Variants in WDR24 observed in about 807,000 individuals in gnomAD.
WDR24 encodes WD repeat domain 24, also known as GATOR2 complex protein WDR24.
A neutral mutation model predicts 66.7 loss-of-function variants in WDR24; 32 were observed. The ratio of observed to expected loss-of-function variants is 0.48; its 90% CI spans 0.36 to 0.64. The LOEUF (loss-of-function observed/expected upper bound fraction) is 0.64, where lower values mean the gene tolerates loss of function less well. Ranked by LOEUF, WDR24 falls within the 30% of genes least tolerant of loss-of-function variation. The probability of loss-of-function intolerance (pLI) is 0.00; values close to 1 mark genes in which losing one functional copy is unlikely to be tolerated. For missense variants in WDR24, 978 were observed against 1,144.1 expected, an observed-to-expected ratio of 0.85 and a Z score of 2.09; for synonymous variants, 565 against 469.1, an observed-to-expected ratio of 1.20 and a Z score of -2.64.
chr16:690,222 G>A lies in WDR24; in HGVS notation c.-582C>T, dbSNP rs544161474. ...GCTCGAGGTGTCTGGCGGGACCGGA[G>A]GCAGGAGAGAAGCCGGCGACCCCGG... On this transcript the variant is annotated 5_prime_UTR_variant, in exon 1 of 9. Transcript: ENST00000293883. 345 of 393,400 alleles carry A rather than the reference G, an allele frequency of 8.8e-4. No homozygotes were observed. The highest frequency in any genetic ancestry group is 6.7e-3 in the African/African-American group (324 of 48,004). The allele number at this position is 393,400 out of a possible 1,614,324, so 24.4% of individuals were successfully genotyped here.
chr16:687,341 C>T lies in WDR24; in HGVS notation c.735G>A (p.Met245Ile), dbSNP rs200266742. 2 of 1,607,856 alleles carry T rather than the reference C, an allele frequency of 1.2e-6. No homozygotes were observed. Among genetic ancestry groups the T allele is most frequent in the Non-Finnish European group, 1.7e-6 (2 of 1,177,366 alleles). The change falls in exon 3 of 9, where the codon ATG becomes ATA. Residue 245 changes from methionine to isoleucine, a missense_variant. By Grantham distance (10) the Met-to-Ile change is conservative. Coordinates refer to ENST00000293883, the MANE Select transcript of WDR24 (RefSeq NM_032259.4). ...WDMTTHRAKEMHCVQTIASVA... is the reference protein window; with the variant it reads ...WDMTTHRAKEIHCVQTIASVA... The stretch of plus-strand genomic sequence containing the variant: ...CCGAGGCGATGGTCTGCACACAGTG[C>T]ATCTCCTTGGCACGGTGCGTGGTCA...
chr16:689,769 G>C lies in WDR24; in HGVS notation c.-129C>G. On this transcript the variant is annotated 5_prime_UTR_variant, in exon 1 of 9. Transcript: ENST00000293883. ...CCCAGAACTGCTTGGTCCCGGGCTG[G>C]TCAGTCTTAGTGAGCCAATCCAGGG... The C allele has an allele frequency of 7.1e-7, 1 of 1,417,108 alleles. No homozygotes were observed. Among genetic ancestry groups the C allele is most frequent in the South Asian group, 1.4e-5 (1 of 74,000 alleles). 87.8% of individuals were successfully genotyped at this position (1,417,108 alleles called of 1,614,324 possible).
Position 684,988 on chromosome 16 carries a change from C to T in WDR24, c.2204+4G>A, listed in dbSNP as rs1269026852. The stretch of plus-strand genomic sequence containing the variant: ...TGCCCCACCTCCCGACCCCACTGCC[C>T]CACCTGTCGCAGACCCAGCCCCGGC... On this transcript the variant is annotated splice_donor_region_variant and intron_variant, in intron 8 of 8. Coordinates refer to ENST00000293883, the MANE Select transcript of WDR24 (RefSeq NM_032259.4). 6.5e-6 allele frequency: 10 copies of T among 1,544,016 alleles called. No individual in the cohort carries two copies. The highest frequency in any genetic ancestry group is 1.8e-4 in the Middle Eastern group (1 of 5,554).
rs374342069 is a variant in WDR24 at position 685,164 on chromosome 16, T to A, written c.2032A>T (p.Thr678Ser). Residue 678 changes from threonine (T) to serine (S), a missense_variant, in exon 8 of 9, where the codon ACT becomes TCT. Physicochemically the swap from Thr to Ser is moderately conservative, Grantham distance 58. Coordinates refer to ENST00000293883, the MANE Select transcript of WDR24 (RefSeq NM_032259.4). The stretch of plus-strand genomic sequence containing the variant: ...CGCTGCAGCAGGTCGATGTAGGAAG[T>A]GTACCAGTGCTCCTGGGGGAGGGAG... ...IDEQTQEHWY[T>S]SYIDLLQRFR... is the part of the protein sequence containing the mutation. The A allele has an allele frequency of 4.6e-5, 72 of 1,582,316 alleles. No homozygotes were observed. Among genetic ancestry groups the A allele is most frequent in the Non-Finnish European group, 4.3e-6 (5 of 1,165,264 alleles).
chr16:687,491 G>A (rs897818034), intron 2 of WDR24, 71 bp downstream of exon 2: 30 of 1,587,456 alleles, frequency 1.9e-5, no homozygotes, highest in Middle Eastern at 1.7e-4. Flanking sequence ...CTGCTGCTCC[G>A]GACTGTCTCA....
rs1345675948 is a variant in WDR24 at position 689,426 on chromosome 16, G to A, written c.215C>T (p.Ser72Leu). The A allele has an allele frequency of 1.2e-6, 2 of 1,613,650 alleles. No homozygotes were observed. The highest frequency in any genetic ancestry group is 1.7e-6 in the Non-Finnish European group (2 of 1,180,004). The change falls in exon 1 of 9, where the codon TCG becomes TTG. Residue 72 changes from serine to leucine, a missense_variant. Transcript: ENST00000293883. ...CACGTCAGCACAGCTCAGGTTAAGC[G>A]AAGGCTTGCGCCCCACACGCAGGTT... ...KLNLRVGRKPSLNLSCADVVW... is the reference protein window; with the variant it reads ...KLNLRVGRKPLLNLSCADVVW...
Position 690,327 on chromosome 16 carries a change from CCT to C in WDR24, c.-689_-688del, listed in dbSNP as rs568085275. 5.5e-5 allele frequency: 25 copies of C among 455,690 alleles called. No homozygotes were observed. The East Asian group carries it at 9.0e-4, about 16-fold the overall frequency. The allele number at this position is 455,690 out of a possible 1,614,324, so 28.2% of individuals were successfully genotyped here. On this transcript the variant is annotated 5_prime_UTR_variant, in exon 1 of 9. Transcript: ENST00000293883. ...CGAGAACCAGAGGGCCCGGGGCAGC[CCT>C]TCTCCCCCGCGCGAACCCCAATCTT...
chr16:687,992 C>G (rs1056947976), intron 1 of WDR24: 1 of 647,778 alleles, frequency 1.5e-6, no homozygotes, highest in African/African-American at 1.8e-5. Flanking sequence ...GATTCTGCAT[C>G]CTGCATCGGT....
rs1668467779 is a variant in WDR24 at position 685,755 on chromosome 16, T to G, written c.1602A>C (p.Val534=). The G allele has an allele frequency of 1.2e-6, 2 of 1,613,154 alleles. No homozygotes were observed. Among genetic ancestry groups the G allele is most frequent in the Non-Finnish European group, 1.7e-6 (2 of 1,180,014 alleles). ...CGTCACCCAGCAGGTAGTCGGCAGG[T>G]ACGTCGCTGCCCTCGGTTTCCTCGT... ...EDNEETEGSD[V]PADYLLGDVE... The change falls in exon 6 of 9, where the codon GTA becomes GTC. Residue 534 remains valine (V), a synonymous_variant. Coordinates refer to ENST00000293883, the MANE Select transcript of WDR24 (RefSeq NM_032259.4).
At position 685,438 on chromosome 16, in the gene WDR24, G is replaced by C; in HGVS notation, c.1838C>G (p.Ser613Cys). Residue 613 changes from serine (S) to cysteine (C), a missense_variant, in exon 7 of 9, where the codon TCC (serine) becomes TGC (cysteine). Ser to Cys is a moderately radical substitution (Grantham distance 112). Transcript: ENST00000293883. ...GTGTGAGACAGACAGGAGCGAGAAG[G>C]AGGAGTCCACGGGGGCCAGGGAGGC... is the stretch of plus-strand genomic sequence containing the variant. ...DVASLAPVDS[S>C]FSLLSVSHAL... 1 of 1,610,110 alleles carries C rather than the reference G, an allele frequency of 6.2e-7. No individual in the cohort carries two copies. Among genetic ancestry groups the C allele is most frequent in the Non-Finnish European group, 8.5e-7 (1 of 1,177,788 alleles).
At chr16:687,762 G>C in intron 1 of WDR24, 23 bp from the exon 2 acceptor site, 1 of 1,608,964 alleles carries the variant, frequency 6.2e-7, no homozygotes. Flanking sequence ...GGTCGATGCA[G>C]GGGAAGTGAC....
In WDR24 at chr16:685,490, G is replaced by A. The variant is rs780031985; in HGVS notation, c.1786C>T (p.His596Tyr). The change falls in exon 7 of 9, where the codon CAC becomes TAC. Residue 596 changes from histidine to tyrosine, a missense_variant. His to Tyr is a moderately conservative substitution (Grantham distance 83). This residue lies in a region of WDR24 where 676 missense variants were observed against 617.5 expected (regional missense o/e 1.09). Coordinates refer to ENST00000293883, the MANE Select transcript of WDR24 (RefSeq NM_032259.4). Reference sequence around the variant, plus strand: ...ACATCCGCCTCGCTGCCGCTCACGTGCGGGGAGTCGGCCTTGTCCTGCAGG... The same window carrying A: ...ACATCCGCCTCGCTGCCGCTCACGTACGGGGAGTCGGCCTTGTCCTGCAGG... ...EHLQDKADSP[H>Y]VSGSEADVAS... 2.5e-6 allele frequency: 4 copies of A among 1,600,042 alleles called. No individual in the cohort carries two copies. The highest frequency in any genetic ancestry group is 3.4e-6 in the Non-Finnish European group (4 of 1,170,690).
At chr16:687,541 C>T (rs751577568) in intron 2 of WDR24, 21 bp downstream of exon 2, 16 of 1,608,688 alleles carry the variant, frequency 9.9e-6, no homozygotes, top group Middle Eastern at 1.6e-4. Flanking sequence ...AACCTACTGC[C>T]CCTGCACCCC....
rs752189101 is a variant in WDR24, at chr16:685,368, C to T, written c.1908G>A (p.Leu636=). The part of the protein sequence containing the change: ...SRLPPDFFGV[L]VRDMLHFYAE... ...CGTAGAAGTGCAGCATGTCGCGCACCAGCACGCCGAAGAAGTCGGGCGGCA... is the reference window on the plus strand; with the variant it reads ...CGTAGAAGTGCAGCATGTCGCGCACTAGCACGCCGAAGAAGTCGGGCGGCA... Residue 636 remains leucine, a synonymous_variant, in exon 7 of 9, where the codon CTG becomes CTA. Coordinates refer to ENST00000293883, the MANE Select transcript of WDR24 (RefSeq NM_032259.4). The T allele has an allele frequency of 9.6e-5, 155 of 1,611,954 alleles. No homozygotes were observed. Among genetic ancestry groups the T allele is most frequent in the Non-Finnish European group, 4.3e-5 (51 of 1,179,882 alleles).
intron 6 of WDR24, 39 bp downstream of exon 6, chr16:685,640 T>G (rs1183232330): frequency 3.2e-5 from 51 of 1,611,276 alleles, no homozygotes; most frequent in Non-Finnish European, 4.3e-5. Flanking sequence ...CTGTCCTCCA[T>G]CCGCCTCTGA....
At chr16:688,856 T>C (rs958305829) in intron 1 of WDR24, 2 of 414,546 alleles carry the variant, frequency 4.8e-6, no homozygotes, top group Non-Finnish European at 8.9e-6. Flanking sequence ...AGGGAGTCAG[T>C]GGCTCTCTGC....
rs1355175551 is a variant in WDR24, at chr16:690,245, C to G, written c.-605G>C. ...GAGGCAGGAGAGAAGCCGGCGACCCCGGAGTACAGGGTTCCTGGGAGCGGC... is the reference window on the plus strand; with the variant it reads ...GAGGCAGGAGAGAAGCCGGCGACCCGGGAGTACAGGGTTCCTGGGAGCGGC... On this transcript the variant is annotated 5_prime_UTR_variant, in exon 1 of 9. Coordinates refer to ENST00000293883, the MANE Select transcript of WDR24 (RefSeq NM_032259.4). 2.5e-6 allele frequency: 1 copy of G among 401,412 alleles called. No individual in the cohort carries two copies. Among genetic ancestry groups the G allele is most frequent in the Non-Finnish European group, 5.0e-6 (1 of 201,364 alleles). 24.9% of individuals were successfully genotyped at this position (401,412 alleles called of 1,614,324 possible). A position where few individuals can be genotyped will look rare whatever the true frequency, so the allele number is the denominator to read the frequency against.
Position 689,821 on chromosome 16 carries a change from G to T in WDR24, c.-181C>A. 1 of 1,003,296 alleles carries T rather than the reference G, an allele frequency of 1.0e-6. No individual in the cohort carries two copies. Among genetic ancestry groups the T allele is most frequent in the South Asian group, 1.4e-5 (1 of 69,792 alleles). The allele number at this position is 1,003,296 out of a possible 1,614,324, so 62.1% of individuals were successfully genotyped here. A position where few individuals can be genotyped will look rare whatever the true frequency, so the allele number is the denominator to read the frequency against. The stretch of plus-strand genomic sequence containing the variant: ...TGTCTATCAGCCAATCAGCCTGACA[G>T]GCAAGCTCAAATTCACTGGAGTCTG... On this transcript the variant is annotated 5_prime_UTR_variant, in exon 1 of 9. In the 5' UTR this introduces an upstream ATG that the reference lacks. Transcript: ENST00000293883.
In WDR24 at chr16:687,746, G is replaced by A. The variant is rs750530483; in HGVS notation, c.482-7C>T. 1.1e-5 allele frequency: 18 copies of A among 1,611,640 alleles called. No individual in the cohort carries two copies. The African/African-American group carries it at 2.1e-4, about 19-fold the overall frequency. On this transcript the variant is annotated splice_polypyrimidine_tract_variant and splice_region_variant and intron_variant, in intron 1 of 8. Transcript: ENST00000293883. ...CGCACGCTCTCCGACTGGCCTGCAG[G>A]CAGGAGGTCGATGCAGGGGAAGTGA...
Sources: gnomAD v4.1 joint callset for allele counts on GRCh38, gnomAD v4.1.1 for gene constraint, gnomAD v4.1.1 regional missense constraint, MANE v1.5 for transcripts, NCBI Gene and HGNC (gene_info 2026-07-23, HGNC 2026-07-21) for gene names.